The following UNC5A variants were observed in gnomAD, a reference collection of about 807,000 sequenced individuals.
The protein encoded by UNC5A is netrin receptor UNC5A.
Under a neutral mutation model 87.4 loss-of-function variants are expected in UNC5A, and 20 were observed. The observed-to-expected ratio is 0.23, with a 90% CI of 0.16 to 0.33. The LOEUF is 0.33. Among genes scored for constraint, UNC5A ranks in the 10% least tolerant of loss-of-function variants. UNC5A has a pLI of 1.00. For missense variants in UNC5A, 844 were observed against 1,133.4 expected (o/e 0.74, Z 3.67); for synonymous variants, 438 against 482.3 (o/e 0.91, Z 1.20).
chr5:176,819,354 C>T (rs1756672154), intron 1 of UNC5A, among the ~76,000 whole-genome samples: 1 of 152,058 alleles, frequency 6.6e-6, no homozygotes, highest in South Asian at 2.1e-4. Flanking sequence ...GAACCCAACT[C>T]ACACTGGCTT....
Position 176,865,704 on chromosome 5 carries a change from C to G in UNC5A, c.293-2426C>G, listed in dbSNP as rs779795955. ...AAGACCAAAGACCCCAAACCAGAAA[C>G]GTTCTGTGGTCAGACAGGTATGGCA... On this transcript the variant is annotated intron_variant, in intron 2 of 14. Transcript: ENST00000329542. The surrounding 1 kb of genome is among the most constrained non-coding windows in gnomAD (Gnocchi z 5.3). 2 of 456,418 alleles carry G rather than the reference C, an allele frequency of 4.4e-6. No individual in the cohort carries two copies. The highest frequency in any genetic ancestry group is 8.8e-6 in the Non-Finnish European group (2 of 226,946). The allele number at this position is 456,418 out of a possible 1,614,324, so 28.3% of individuals were successfully genotyped here. A position where few individuals can be genotyped will look rare whatever the true frequency, so the allele number is the denominator to read the frequency against.
chr5:176,829,156 AGATGGATG>A (rs70991573), intron 1 of UNC5A, among the ~76,000 whole-genome samples: 4,375 of 122,050 alleles, frequency 0.036, 260 homozygotes, highest in African/African-American at 0.12. Context: ...AAAGAAAGAA[AGATGGATG>A]GATGGATGGA....
At position 176,877,911 on chromosome 5, in the gene UNC5A, C is replaced by A. The variant is rs201330926; in HGVS notation, c.1653C>A (p.Gly551=). 6.2e-6 allele frequency: 10 copies of A among 1,601,690 alleles called. No individual in the cohort carries two copies. Among genetic ancestry groups the A allele is most frequent in the Non-Finnish European group, 7.6e-6 (9 of 1,179,256 alleles). ...GCCCACAGGATGTGCTGCACCTGGG[C>A]GAGGAGGCGCCCTCCCACCTCTACT... is the stretch of plus-strand genomic sequence containing the variant. ...EGSWEDVLHL[G]EEAPSHLYYC... is the part of the protein sequence containing the mutation. The change falls in exon 11 of 15, where the codon GGC becomes GGA. Residue 551 remains glycine (G), a synonymous_variant. Coordinates refer to ENST00000329542, the MANE Select transcript of UNC5A (RefSeq NM_133369.3).
chr5:176,820,030 A>C (rs1258092544), intron 1 of UNC5A, among the ~76,000 whole-genome samples: 1 of 152,234 alleles, frequency 6.6e-6, no homozygotes, highest in Non-Finnish European at 1.5e-5. Context: ...TGGGAGGCCG[A>C]GGCGGGCGGA....
intron 1 of UNC5A, among the ~76,000 whole-genome samples, chr5:176,861,309 C>T (rs1757831300): frequency 6.6e-6 from 1 of 152,204 alleles, no homozygotes; most frequent in African/African-American, 2.4e-5. Flanking sequence ...GGCACCACGC[C>T]CCATTTTGCA....
chr5:176,853,186 C>A (rs1194723810), intron 1 of UNC5A, among the ~76,000 whole-genome samples: 2 of 152,234 alleles, frequency 1.3e-5, no homozygotes, highest in Non-Finnish European at 2.9e-5. Context: ...AGGAGCCCTG[C>A]CCCACTCCTG....
chr5:176,829,316 GGATGT>G (rs1756937650), intron 1 of UNC5A, among the ~76,000 whole-genome samples: 3 of 137,980 alleles, frequency 2.2e-5, no homozygotes, highest in Admixed American at 1.4e-4. Flanking sequence ...ATGGATGAAT[GGATGT>G]ATGAAATATG....
At chr5:176,842,764 G>A (rs1400307141) in intron 1 of UNC5A, among the ~76,000 whole-genome samples, 3 of 152,144 alleles carry the variant, frequency 2.0e-5, no homozygotes, top group Non-Finnish European at 2.9e-5. Context: ...TATACTGCTC[G>A]GGTGATGGGT....
intron 1 of UNC5A, among the ~76,000 whole-genome samples, chr5:176,819,308 G>C (rs1186303716): frequency 1.3e-5 from 2 of 152,176 alleles, no homozygotes; most frequent in African/African-American, 4.8e-5. Context: ...AGCTTGAAGT[G>C]ACATGGGACA....
At chr5:176,868,700 G>A (rs1193545992) in intron 4 of UNC5A, 36 bp downstream of exon 4, 2 of 1,590,594 alleles carry the variant, frequency 1.3e-6, no homozygotes, top group East Asian at 4.5e-5. Flanking sequence ...CTGGACCTGG[G>A]CTCCTGCCTG....
In UNC5A at chr5:176,824,121, C is replaced by T. The variant is rs936825062; in HGVS notation, c.70+13301C>T. Among the ~76,000 whole-genome samples, 4 of 152,240 alleles carry T rather than the reference C, an allele frequency of 2.6e-5. No homozygotes were observed. The highest frequency in any genetic ancestry group is 9.6e-5 in the African/African-American group (4 of 41,456). ...TCAGGATCCTTGCCAGGGCTTCTCC[C>T]GCCTGGAGGCGGAGGTGCGGCCCCG... On this transcript the variant is annotated intron_variant, in intron 1 of 14. Transcript: ENST00000329542. This position sits in a 1 kb window ranked among gnomAD's most constrained non-coding sequence, Gnocchi z 4.2.
intron 1 of UNC5A, among the ~76,000 whole-genome samples, chr5:176,850,328 TTTGAAGTGTGA>T (rs1254099418): frequency 6.6e-6 from 1 of 151,824 alleles, no homozygotes; most frequent in Non-Finnish European, 1.5e-5. Flanking sequence ...ATTGCAGGGG[TTTGAAGTGTGA>T]GATCGGATTC....
chr5:176,855,095 C>A (rs997717676), intron 1 of UNC5A, among the ~76,000 whole-genome samples: 1 of 152,244 alleles, frequency 6.6e-6, no homozygotes, highest in African/African-American at 2.4e-5. Context: ...AGCTGTGCCT[C>A]CAGGTCCATG....
At position 176,878,076 on chromosome 5, in the gene UNC5A, C is replaced by G. The variant is rs371954378; in HGVS notation, c.1818C>G (p.Leu606=). Residue 606 remains leucine (L), a synonymous_variant, in exon 11 of 15, where the codon CTC becomes CTG. Coordinates refer to ENST00000329542, the MANE Select transcript of UNC5A (RefSeq NM_133369.3). ...TTGCGCCGGTGGCCTGCACCTCCCT[C>G]GAGTACAACATCCGGGTCTACTGCC... ...LLFAPVACTS[L]EYNIRVYCLH... is the part of the protein sequence containing the mutation. 3.1e-6 allele frequency: 5 copies of G among 1,610,016 alleles called. No individual in the cohort carries two copies. The highest frequency in any genetic ancestry group is 4.2e-6 in the Non-Finnish European group (5 of 1,179,944).
intron 1 of UNC5A, among the ~76,000 whole-genome samples, chr5:176,850,730 C>G (rs2113635176): frequency 6.6e-6 from 1 of 152,276 alleles, no homozygotes; most frequent in Admixed American, 6.5e-5. Flanking sequence ...GGGTTTGTCC[C>G]TAGGTTACTG....
chr5:176,861,898 G>A (rs895351863), intron 1 of UNC5A, among the ~76,000 whole-genome samples: 2 of 152,190 alleles, frequency 1.3e-5, no homozygotes, highest in Non-Finnish European at 2.9e-5. Context: ...TCCTCTCAGG[G>A]GACCTGCTGG....
At position 176,879,355 on chromosome 5, in the gene UNC5A, G is replaced by A. The variant is rs1233176527; in HGVS notation, c.2230G>A (p.Val744Ile). 1 of 1,612,446 alleles carries A rather than the reference G, an allele frequency of 6.2e-7. No individual in the cohort carries two copies. Among genetic ancestry groups the A allele is most frequent in the Non-Finnish European group, 8.5e-7 (1 of 1,179,518 alleles). ...ELLALESEAG[V>I]PALVGPSAFK... ...GCTGGCTCTGGAGAGTGAAGCGGGG[G>A]TCCCAGCCCTGGTGGGCCCCAGTGC... is the stretch of plus-strand genomic sequence containing the variant. The change falls in exon 14 of 15, where the codon GTC (valine) becomes ATC (isoleucine). Residue 744 changes from valine to isoleucine, a missense_variant. Transcript: ENST00000329542.
chr5:176,840,679 T>TC (rs142470118), intron 1 of UNC5A, among the ~76,000 whole-genome samples: 6 of 151,970 alleles, frequency 3.9e-5, no homozygotes, highest in South Asian at 4.2e-4. Flanking sequence ...AGGGGGCCTC[T>TC]CCCCCCCTGG....
At chr5:176,858,640 G>T (rs1387558583) in intron 1 of UNC5A, among the ~76,000 whole-genome samples, 1 of 151,586 alleles carries the variant, frequency 6.6e-6, no homozygotes, top group Non-Finnish European at 1.5e-5. Flanking sequence ...AGGATCCTAG[G>T]TCCTTTGGAC....
Sources: gnomAD v4.1 joint callset for allele counts (sites outside exome capture counted in the v4.1 genomes callset) on GRCh38, gnomAD v4.1.1 for gene constraint, Gnocchi (gnomAD v3.1) non-coding constraint, MANE v1.5 for transcripts, NCBI Gene and HGNC (gene_info 2026-07-23, HGNC 2026-07-21) for gene names.